LMF1: variants seen among roughly 807,000 people sequenced by gnomAD.
The protein encoded by LMF1 is lipase maturation factor 1.
A neutral mutation model predicts 60.6 loss-of-function variants in LMF1; 68 were observed. The ratio of observed to expected loss-of-function variants is 1.12; its 90% CI spans 0.92 to 1.37. The LOEUF is 1.37. Ranked by LOEUF, LMF1 falls within the 40% of genes most tolerant of loss-of-function variation. The pLI is 0.00. For missense variants in LMF1, 948 were observed against 767.2 expected (o/e 1.24, Z -2.78); for synonymous variants, 418 against 324.7 (o/e 1.29, Z -3.09).
chr16:894,693 A>G (rs1347490029), intron 4 of LMF1, among the ~76,000 whole-genome samples: 2 of 152,186 alleles, frequency 1.3e-5, no homozygotes, highest in African/African-American at 2.4e-5. Flanking sequence ...GGGCAGCCGC[A>G]CTGGGCTGCA....
At chr16:869,797 G>A in intron 9 of LMF1, 86 bp downstream of exon 9, 1 of 1,384,688 alleles carries the variant, frequency 7.2e-7, no homozygotes, top group Non-Finnish European at 9.9e-7. Flanking sequence ...AGCCCCTTCA[G>A]TGGGCGTTCT....
At chr16:949,547 G>A (rs1466895371) in intron 2 of LMF1, among the ~76,000 whole-genome samples, 1 of 142,242 alleles carries the variant, frequency 7.0e-6, no homozygotes, top group Non-Finnish European at 1.5e-5. Context: ...CAGAGCCAAC[G>A]ACAGAGTCAG....
chr16:979,600 C>A (rs1030108341), intron 1 of LMF1: 4 of 453,642 alleles, frequency 8.8e-6, no homozygotes, highest in Admixed American at 4.7e-5. Context: ...GAGTTCCCCA[C>A]CTGTGTCCCA....
At chr16:877,688 CG>C (rs1031778397) in intron 6 of LMF1, among the ~76,000 whole-genome samples, 30 of 152,080 alleles carry the variant, frequency 2.0e-4, no homozygotes, top group African/African-American at 7.3e-4. Flanking sequence ...CGCGGGGTGG[CG>C]GGCCCTCCCT....
At chr16:877,233 C>T (rs1382567445) in intron 6 of LMF1, among the ~76,000 whole-genome samples, 1 of 152,184 alleles carries the variant, frequency 6.6e-6, no homozygotes, top group African/African-American at 2.4e-5. Context: ...GGCTATAAAA[C>T]TAAGATAATA....
intron 4 of LMF1, among the ~76,000 whole-genome samples, chr16:894,332 C>CCTGGCCATCCGCCCACCTGTCT: frequency 6.6e-6 from 1 of 151,732 alleles, no homozygotes; most frequent in South Asian, 2.1e-4. Flanking sequence ...CCACCCGTCC[C>CCTGGCCATCCGCCCACCTGTCT]CCTGTCCACC....
chr16:969,869 C>A (rs2073003949), intron 1 of LMF1, among the ~76,000 whole-genome samples: 1 of 152,256 alleles, frequency 6.6e-6, no homozygotes, highest in Non-Finnish European at 1.5e-5. Context: ...CCGTTCTCTT[C>A]CAAACCAGTT....
chr16:930,978 G>A (rs1244387683), intron 3 of LMF1, among the ~76,000 whole-genome samples: 1 of 151,914 alleles, frequency 6.6e-6, no homozygotes, highest in Non-Finnish European at 1.5e-5. Flanking sequence ...AAAATTAGCC[G>A]GGCGTGGTGG....
At chr16:936,101 G>C (rs754965329) in intron 2 of LMF1, among the ~76,000 whole-genome samples, 11 of 147,932 alleles carry the variant, frequency 7.4e-5, no homozygotes, top group Non-Finnish European at 7.6e-5. Flanking sequence ...AGGGCACCCC[G>C]TTGGCTGAGG....
chr16:894,710 G>A (rs570059940), intron 4 of LMF1, among the ~76,000 whole-genome samples: 10 of 152,346 alleles, frequency 6.6e-5, no homozygotes, highest in South Asian at 4.1e-4. Flanking sequence ...TGCAGGTAGC[G>A]CTGTCTCACT....
intron 2 of LMF1, among the ~76,000 whole-genome samples, chr16:938,665 G>A (rs2072010150): frequency 6.6e-6 from 1 of 152,224 alleles, no homozygotes; most frequent in African/African-American, 2.4e-5. Flanking sequence ...GAGGACCCGG[G>A]CTGTTGAAGC....
rs775376958 is a variant in LMF1, at chr16:854,762, G to A, written c.1530-56C>T. 98 of 1,476,142 alleles carry A rather than the reference G, an allele frequency of 6.6e-5. No homozygotes were observed. The Middle Eastern group carries it at 2.9e-3, about 44-fold the overall frequency. The allele number at this position is 1,476,142 out of a possible 1,614,324, so 91.4% of individuals were successfully genotyped here. On this transcript the variant is annotated intron_variant, in intron 10 of 10. Coordinates refer to ENST00000262301, the MANE Select transcript of LMF1 (RefSeq NM_022773.4). ...TGCTGGGACTCCCGGCCCCCGACCC[G>A]GCTCCTCAGCCTGCTGCTGAGCTGC...
At chr16:890,190 A>G (rs979753413) in intron 5 of LMF1, among the ~76,000 whole-genome samples, 1 of 152,174 alleles carries the variant, frequency 6.6e-6, no homozygotes, top group African/African-American at 2.4e-5. Flanking sequence ...AGTGAACCGC[A>G]AAGAGCCGTG....
intron 10 of LMF1, among the ~76,000 whole-genome samples, chr16:862,458 T>G (rs2069493921): frequency 6.6e-6 from 1 of 152,170 alleles, no homozygotes; most frequent in South Asian, 2.1e-4. Flanking sequence ...TAGTAATATT[T>G]TGTTAAAAAA....
intron 2 of LMF1, among the ~76,000 whole-genome samples, chr16:941,371 A>G (rs1390513095): frequency 1.3e-5 from 2 of 151,902 alleles, no homozygotes; most frequent in African/African-American, 2.4e-5. Context: ...AGGCACGTGC[A>G]ACTATGCCCG....
chr16:930,472 G>A (rs2071748025), intron 3 of LMF1, among the ~76,000 whole-genome samples: 1 of 151,852 alleles, frequency 6.6e-6, no homozygotes, highest in African/African-American at 2.4e-5. Context: ...GAGGCGGGAG[G>A]ATCGCCTGAG....
At chr16:912,862 C>T (rs1043565016) in intron 3 of LMF1, among the ~76,000 whole-genome samples, 6 of 152,246 alleles carry the variant, frequency 3.9e-5, no homozygotes, top group Admixed American at 6.5e-5. Context: ...CTCAGCGTGG[C>T]GGACAACGCG....
Position 931,800 on chromosome 16 carries a change from G to C in LMF1, c.514+2444C>G, listed in dbSNP as rs775212170. 6.2e-6 allele frequency: 8 copies of C among 1,283,392 alleles called. 1 individual carries two copies. The African/African-American group carries it at 1.1e-4, about 17-fold the overall frequency. The allele number at this position is 1,283,392 out of a possible 1,614,324, so 79.5% of individuals were successfully genotyped here. On this transcript the variant is annotated intron_variant, in intron 3 of 10. Transcript: ENST00000262301. The stretch of plus-strand genomic sequence containing the variant: ...AAAGTGACGTGCTGAGCCGCTGCAG[G>C]GTCAGACACAACATGAAACTCAGGC...
At chr16:863,485 G>C (rs1377836012) in intron 10 of LMF1, among the ~76,000 whole-genome samples, 1 of 152,100 alleles carries the variant, frequency 6.6e-6, no homozygotes, top group Non-Finnish European at 1.5e-5. Flanking sequence ...TTCTCCTTTT[G>C]TTATTCTTAC....
Sources: allele counts gnomAD v4.1 joint callset (sites outside exome capture counted in the v4.1 genomes callset), GRCh38; gene constraint gnomAD v4.1.1; transcripts MANE v1.5; gene names NCBI Gene and HGNC (gene_info 2026-07-23, HGNC 2026-07-21).